The following ALDH6A1 variants were observed in gnomAD, a reference collection of about 807,000 sequenced individuals.
ALDH6A1 encodes the protein aldehyde dehydrogenase 6 family member A1.
A neutral mutation model predicts 62.6 loss-of-function variants in ALDH6A1; 43 were observed. The ratio of observed to expected loss-of-function variants is 0.69; its 90% CI spans 0.54 to 0.89. The LOEUF is 0.89. ALDH6A1 is among the 40% of genes least tolerant of loss of function. The pLI, the probability that ALDH6A1 is intolerant of heterozygous loss-of-function variation, is 0.00. For missense variants in ALDH6A1, 551 were observed against 661.3 expected, an observed-to-expected ratio of 0.83 and a Z score of 1.83; for synonymous variants, 194 against 234.2, an observed-to-expected ratio of 0.83 and a Z score of 1.57.
In ALDH6A1 at chr14:74,057,781, G is replaced by A. The variant is rs939793039; in HGVS notation, c.*2861C>T. The A allele has an allele frequency of 4.0e-5, 43 of 1,085,748 alleles. No homozygotes were observed. Among genetic ancestry groups the A allele is most frequent in the Middle Eastern group, 4.4e-4 (1 of 2,288 alleles). The allele number at this position is 1,085,748 out of a possible 1,614,324, so 67.3% of individuals were successfully genotyped here. ...AAAAGAAAATACTGACTTTTTAGCC[G>A]CGATCACATGAATATAACTGATGAG... On this transcript the variant is annotated 3_prime_UTR_variant, in exon 12 of 12. Coordinates refer to ENST00000553458, the MANE Select transcript of ALDH6A1 (RefSeq NM_005589.4).
Position 74,059,900 on chromosome 14 carries a change from G to T in ALDH6A1, c.*742C>A, listed in dbSNP as rs1189204405. 6.5e-6 allele frequency: 1 copy of T among 153,332 alleles called. No homozygotes were observed. Among genetic ancestry groups the T allele is most frequent in the Non-Finnish European group, 1.5e-5 (1 of 68,916 alleles). The allele number at this position is 153,332 out of a possible 1,614,324, so 9.5% of individuals were successfully genotyped here. A position where few individuals can be genotyped will look rare whatever the true frequency, so the allele number is the denominator to read the frequency against. On this transcript the variant is annotated 3_prime_UTR_variant, in exon 12 of 12. Coordinates refer to ENST00000553458, the MANE Select transcript of ALDH6A1 (RefSeq NM_005589.4). Reference sequence around the variant, plus strand: ...AATTAATAGTGGTCATGAATTACTAGGAAACAAAGTGGCATTGAGCAGAAA... The same window carrying T: ...AATTAATAGTGGTCATGAATTACTATGAAACAAAGTGGCATTGAGCAGAAA...
rs2060563848 is a variant in ALDH6A1 at position 74,072,501 on chromosome 14, G to C, written c.186+36C>G. On this transcript the variant is annotated intron_variant, in intron 3 of 11. Transcript: ENST00000553458. ...GCCCATCATGTCCCTAGAATTCTAGGCTCATAAGTTGAAGTCCCAAAGCAG... is the reference window on the plus strand; with the variant it reads ...GCCCATCATGTCCCTAGAATTCTAGCCTCATAAGTTGAAGTCCCAAAGCAG... The C allele has an allele frequency of 2.5e-6, 4 of 1,613,680 alleles. No individual in the cohort carries two copies. In the East Asian group the frequency reaches 8.9e-5, roughly 36 times the overall value.
chr14:74,078,212 C>A (rs1202372737), intron 1 of ALDH6A1: 9 of 455,934 alleles, frequency 2.0e-5, no homozygotes, highest in Non-Finnish European at 2.6e-5. Flanking sequence ...CAGAAACCAT[C>A]AGATGAGAAC....
At chr14:74,077,540 G>A (rs542749703) in intron 1 of ALDH6A1, among the ~76,000 whole-genome samples, 4 of 152,262 alleles carry the variant, frequency 2.6e-5, no homozygotes, top group African/African-American at 9.6e-5. Flanking sequence ...CCTGTGTGAA[G>A]AGGCAAAACT....
In ALDH6A1 at chr14:74,059,795, A is replaced by T. The variant is rs1281634792; in HGVS notation, c.*847T>A. On this transcript the variant is annotated 3_prime_UTR_variant, in exon 12 of 12. Coordinates refer to ENST00000553458, the MANE Select transcript of ALDH6A1 (RefSeq NM_005589.4). ...CCCTGAAACTTAGTACTTGGCACAT[A>T]TAACAAAAAGTTGATTTATCCATTG... The T allele has an allele frequency of 6.4e-6, 1 of 155,700 alleles. No individual in the cohort carries two copies. The highest frequency in any genetic ancestry group is 1.4e-5 in the Non-Finnish European group (1 of 70,544). The allele number at this position is 155,700 out of a possible 1,614,324, so 9.6% of individuals were successfully genotyped here.
intron 1 of ALDH6A1, 63 bp downstream of exon 1, chr14:74,084,284 A>T: frequency 6.2e-7 from 1 of 1,610,564 alleles, no homozygotes; most frequent in Non-Finnish European, 8.5e-7. Context: ...AGGATGGCTC[A>T]GGGAGCGGAC....
intron 1 of ALDH6A1, among the ~76,000 whole-genome samples, chr14:74,083,893 C>G: frequency 6.6e-6 from 1 of 152,152 alleles, no homozygotes. Flanking sequence ...CAGATCACCA[C>G]GGATAGTGAA....
chr14:74,067,775 A>G (rs1471148671), intron 7 of ALDH6A1, among the ~76,000 whole-genome samples: 1 of 151,902 alleles, frequency 6.6e-6, no homozygotes, highest in East Asian at 1.9e-4. Context: ...AATACAAAAA[A>G]TTAGCCAGGC....
rs770828168 is a variant in ALDH6A1, at chr14:74,071,416, T to C, written c.509A>G (p.Tyr170Cys). Residue 170 changes from tyrosine to cysteine, a missense_variant, in exon 6 of 12, where the codon TAT becomes TGT. Transcript: ENST00000553458. The stretch of plus-strand genomic sequence containing the variant: ...CACTCCCAGAGGCAGACGGTAGGAA[T>C]AAAGGTCCATGTCTTTGGTGATGGA... ...MPSITKDMDL[Y>C]SYRLPLGVCA... 8.1e-6 allele frequency: 13 copies of C among 1,614,146 alleles called. No homozygotes were observed. The South Asian group carries it at 1.2e-4, about 15-fold the overall frequency.
Position 74,066,727 on chromosome 14 carries a change from G to T in ALDH6A1, c.1202C>A (p.Pro401Gln). The T allele has an allele frequency of 1.2e-6, 2 of 1,613,970 alleles. No homozygotes were observed. The highest frequency in any genetic ancestry group is 2.2e-5 in the East Asian group (1 of 44,868). ...KGYENGNFVG[P>Q]TIISNVKPNM... is the part of the protein sequence containing the mutation. ...CACCTTGACATTCGAGATGATGGTT[G>T]GTCCAACAAAGTTGCCATTTTCATA... Residue 401 changes from proline (P) to glutamine (Q), a missense_variant, in exon 9 of 12, where the codon CCA becomes CAA. Physicochemically the swap from Pro to Gln is moderately conservative, Grantham distance 76. Coordinates refer to ENST00000553458, the MANE Select transcript of ALDH6A1 (RefSeq NM_005589.4).
chr14:74,065,038 G>T, intron 10 of ALDH6A1, 118 bp from the exon 11 acceptor site: 1 of 1,377,012 alleles, frequency 7.3e-7, no homozygotes, highest in Non-Finnish European at 1.0e-6. Context: ...TCTACCCCAT[G>T]AACTTTCATT....
chr14:74,057,467 C>G lies in ALDH6A1; in HGVS notation c.*3175G>C. ...TACTAATGCAAATGCAAATGTGTGC[C>G]TCTTTTTGTGTAGAAACCTATAGGT... On this transcript the variant is annotated 3_prime_UTR_variant, in exon 12 of 12. Transcript: ENST00000553458. 2.8e-6 allele frequency: 4 copies of G among 1,446,196 alleles called. No homozygotes were observed. In the South Asian group the frequency reaches 5.7e-5, roughly 21 times the overall value. 89.6% of individuals were successfully genotyped at this position (1,446,196 alleles called of 1,614,324 possible).
In ALDH6A1 at chr14:74,064,850, C is replaced by T. The variant is rs1396027255; in HGVS notation, c.1475G>A (p.Arg492Lys). 6.2e-7 allele frequency: 1 copy of T among 1,614,044 alleles called. No individual in the cohort carries two copies. Among genetic ancestry groups the T allele is most frequent in the South Asian group, 1.1e-5 (1 of 91,076 alleles). The stretch of plus-strand genomic sequence containing the variant: ...TTTGCCATAGAAATTGGTGTCTCCC[C>T]TGAAGGAGGATCGAGAGCCGGTGAA... ...FSFTGSRSSF[R>K]GDTNFYGKQG... The change falls in exon 11 of 12, where the codon AGG becomes AAG. Residue 492 changes from arginine to lysine, a missense_variant. Transcript: ENST00000553458.
intron 2 of ALDH6A1, among the ~76,000 whole-genome samples, chr14:74,073,156 G>C (rs1239250255): frequency 6.6e-6 from 1 of 151,870 alleles, no homozygotes; most frequent in Admixed American, 6.6e-5. Flanking sequence ...GCCCAGGCTG[G>C]AGTGTAGTGT....
rs974642519 is a variant in ALDH6A1, at chr14:74,072,232, G to A, written c.319C>T (p.Arg107Cys). 1.4e-5 allele frequency: 23 copies of A among 1,614,184 alleles called. No individual in the cohort carries two copies. Among genetic ancestry groups the A allele is most frequent in the East Asian group, 2.2e-5 (1 of 44,888 alleles). Residue 107 changes from arginine to cysteine, a missense_variant, in exon 4 of 12, where the codon CGC (arginine) becomes TGC (cysteine). Coordinates refer to ENST00000553458, the MANE Select transcript of ALDH6A1 (RefSeq NM_005589.4). ...TTTTCTTTAATAAGTTGTTGATAGC[G>A]GAGCAAGACCTGCTGGCGGCTTAAT... is the stretch of plus-strand genomic sequence containing the variant. ...SVLSRQQVLL[R>C]YQQLIKENLK...
intron 2 of ALDH6A1, among the ~76,000 whole-genome samples, chr14:74,074,390 G>A (rs2060589021): frequency 1.3e-5 from 2 of 151,408 alleles, no homozygotes; most frequent in Admixed American, 6.6e-5. Flanking sequence ...GAATTCAAGC[G>A]ATTCTCCTGC....
rs764916322 is a variant in ALDH6A1, at chr14:74,062,725, T to C, written c.1504-1979A>G. On this transcript the variant is annotated intron_variant, in intron 11 of 11. Transcript: ENST00000553458. ...ACTGTCATAATGCTATGCAATCCCA[T>C]TGTTAATTTTTTAATAACCCAAACA... Among the ~76,000 whole-genome samples, 21 of 152,190 alleles carry C rather than the reference T, an allele frequency of 1.4e-4. 1 individual carries two copies. Among genetic ancestry groups the C allele is most frequent in the African/African-American group, 1.9e-4 (8 of 41,440 alleles).
chr14:74,075,062 G>A (rs1038499038), intron 1 of ALDH6A1, 45 bp from the exon 2 acceptor site: 8 of 1,591,004 alleles, frequency 5.0e-6, no homozygotes, highest in Non-Finnish European at 6.9e-6. Flanking sequence ...AGAGCAGAAA[G>A]TTATTTAAAA....
At chr14:74,071,757 A>G (rs2060552356) in intron 5 of ALDH6A1, 139 bp downstream of exon 5, 1 of 1,448,410 alleles carries the variant, frequency 6.9e-7, no homozygotes, top group Admixed American at 1.8e-5. Context: ...GAATACTGCC[A>G]TTTTTCACAA....
Sources: gnomAD v4.1 joint callset for allele counts (sites outside exome capture counted in the v4.1 genomes callset) on GRCh38, gnomAD v4.1.1 for gene constraint, MANE v1.5 for transcripts, NCBI Gene and HGNC (gene_info 2026-07-23, HGNC 2026-07-21) for gene names.